CHCHD3: variants seen among roughly 807,000 people sequenced by gnomAD.
CHCHD3 encodes coiled-coil-helix-coiled-coil-helix domain containing 3, also known as MICOS complex subunit MIC19.
CHCHD3 carries 20 observed loss-of-function variants against 38.2 expected under a neutral mutation model. The observed-to-expected ratio is 0.52, with a 90% CI of 0.37 to 0.76. The LOEUF is 0.76. Among genes scored for constraint, CHCHD3 ranks in the 30% least tolerant of loss-of-function variants. The pLI is 0.00. For synonymous variants in CHCHD3, 82 were observed against 100.0 expected, an observed-to-expected ratio of 0.82 and a Z score of 1.07; for missense variants, 245 against 279.2, an observed-to-expected ratio of 0.88 and a Z score of 0.87.
chr7:133,041,595 T>C (rs1371500083), intron 2 of CHCHD3, among the ~76,000 whole-genome samples: 2 of 152,232 alleles, frequency 1.3e-5, no homozygotes. Flanking sequence ...CCATGTACCA[T>C]TCTGCATAAT....
intron 4 of CHCHD3, among the ~76,000 whole-genome samples, chr7:132,969,396 T>G (rs771407034): frequency 6.6e-6 from 1 of 152,130 alleles, no homozygotes; most frequent in Non-Finnish European, 1.5e-5. Flanking sequence ...CAAAAATACC[T>G]AATGATCTGA....
At chr7:132,912,668 C>T (rs985849384) in intron 4 of CHCHD3, among the ~76,000 whole-genome samples, 3 of 152,174 alleles carry the variant, frequency 2.0e-5, no homozygotes, top group Non-Finnish European at 4.4e-5. Context: ...GATTCTCCTG[C>T]CTCAGCCTCC....
At chr7:133,051,233 A>G (rs542307408) in intron 2 of CHCHD3, among the ~76,000 whole-genome samples, 1 of 152,308 alleles carries the variant, frequency 6.6e-6, no homozygotes, top group Non-Finnish European at 1.5e-5. Flanking sequence ...GCAACATTCA[A>G]GCAGCCACTT....
At chr7:132,882,651 CCAAT>C (rs1809096340) in intron 5 of CHCHD3, among the ~76,000 whole-genome samples, 3 of 151,898 alleles carry the variant, frequency 2.0e-5, no homozygotes, top group Non-Finnish European at 2.9e-5. Context: ...GACGTTTGTA[CCAAT>C]CAAATTGGTG....
chr7:133,046,025 A>G (rs1025316154), intron 2 of CHCHD3, among the ~76,000 whole-genome samples: 4 of 152,190 alleles, frequency 2.6e-5, no homozygotes, highest in Non-Finnish European at 5.9e-5. Context: ...AGTCTCAGGT[A>G]TTTCTTTATA....
At chr7:133,042,018 A>G (rs529927700) in intron 2 of CHCHD3, among the ~76,000 whole-genome samples, 3 of 152,338 alleles carry the variant, frequency 2.0e-5, no homozygotes, top group African/African-American at 7.2e-5. Context: ...GGTGCTGGCA[A>G]TGTTTTTGGC....
At chr7:133,064,819 T>A (rs1407894843) in intron 2 of CHCHD3, among the ~76,000 whole-genome samples, 1 of 152,208 alleles carries the variant, frequency 6.6e-6, no homozygotes, top group Admixed American at 6.5e-5. Context: ...TCCAGATTCA[T>A]CATTTTTATC....
Position 132,824,230 on chromosome 7 carries a change from A to G in CHCHD3, c.524+14169T>C, listed in dbSNP as rs192744567. Among the ~76,000 whole-genome samples, 8 of 152,250 alleles carry G rather than the reference A, an allele frequency of 5.3e-5. No homozygotes were observed. In the East Asian group the frequency reaches 1.5e-3, roughly 29 times the overall value. On this transcript the variant is annotated intron_variant, in intron 6 of 7. Coordinates refer to ENST00000262570, the MANE Select transcript of CHCHD3 (RefSeq NM_017812.4). ...TAGAAGACTTCCAGAAACAATGACC[A>G]ACTCAAAAGGCATAATCCTAGTGGT... is the stretch of plus-strand genomic sequence containing the variant.
At chr7:132,954,192 T>A (rs1811103176) in intron 4 of CHCHD3, among the ~76,000 whole-genome samples, 1 of 152,024 alleles carries the variant, frequency 6.6e-6, no homozygotes, top group South Asian at 2.1e-4. Flanking sequence ...CTTGCTCTGG[T>A]GTATATGGCA....
At chr7:132,866,983 T>C (rs1004916163) in intron 5 of CHCHD3, among the ~76,000 whole-genome samples, 1 of 152,172 alleles carries the variant, frequency 6.6e-6, no homozygotes, top group Non-Finnish European at 1.5e-5. Flanking sequence ...GGCCTCGCTA[T>C]CCAAAACAGC....
In CHCHD3 at chr7:133,082,058, G is replaced by A. The variant is rs1041947366; in HGVS notation, c.-121C>T. 10 of 904,270 alleles carry A rather than the reference G, an allele frequency of 1.1e-5. No homozygotes were observed. The highest frequency in any genetic ancestry group is 9.6e-5 in the Admixed American group (3 of 31,386). 56.0% of individuals were successfully genotyped at this position (904,270 alleles called of 1,614,324 possible). A position where few individuals can be genotyped will look rare whatever the true frequency, so the allele number is the denominator to read the frequency against. ...TCCCGCACAGCGGGAGCAAGGCCAC[G>A]ACCCCCAGAAGCAAGGAGAAGGCGC... On this transcript the variant is annotated 5_prime_UTR_variant, in exon 1 of 8. Coordinates refer to ENST00000262570, the MANE Select transcript of CHCHD3 (RefSeq NM_017812.4).
At chr7:132,932,712 T>C (rs562492070) in intron 4 of CHCHD3, among the ~76,000 whole-genome samples, 10 of 152,314 alleles carry the variant, frequency 6.6e-5, no homozygotes, top group Admixed American at 2.0e-4. Context: ...AAACCTTTTT[T>C]GCTAAATTTT....
intron 3 of CHCHD3, among the ~76,000 whole-genome samples, chr7:132,986,056 C>T (rs903390877): frequency 6.7e-6 from 1 of 150,294 alleles, no homozygotes. Context: ...TTGTTCTGTA[C>T]TAAGAAAAAT....
chr7:132,895,405 G>T (rs180811692), intron 4 of CHCHD3, among the ~76,000 whole-genome samples: 1 of 152,366 alleles, frequency 6.6e-6, no homozygotes. Flanking sequence ...CCCCTACTCT[G>T]AGTTGTGACA....
intron 4 of CHCHD3, among the ~76,000 whole-genome samples, chr7:132,900,939 C>T (rs1377159401): frequency 1.3e-5 from 2 of 152,010 alleles, no homozygotes; most frequent in African/African-American, 2.4e-5. Flanking sequence ...TGCAGTGAGC[C>T]GAGATAGCAC....
intron 3 of CHCHD3, among the ~76,000 whole-genome samples, chr7:132,992,476 C>G (rs986124342): frequency 8.5e-5 from 13 of 152,288 alleles, no homozygotes; most frequent in African/African-American, 3.1e-4. Flanking sequence ...ATTGCTCCCC[C>G]AGTGCTACAT....
In CHCHD3 at chr7:133,035,839, G is replaced by A; in HGVS notation, c.170-11212C>T. 1 of 1,613,178 alleles carries A rather than the reference G, an allele frequency of 6.2e-7. No individual in the cohort carries two copies. The highest frequency in any genetic ancestry group is 1.1e-5 in the South Asian group (1 of 91,066). Reference sequence around the variant, plus strand: ...GGTGGTGCGGAGAGCACGCGGATCTGAGCCCCGCTGTACTGAGCAGCGATG... The same window carrying A: ...GGTGGTGCGGAGAGCACGCGGATCTAAGCCCCGCTGTACTGAGCAGCGATG... On this transcript the variant is annotated intron_variant, in intron 2 of 7. Transcript: ENST00000262570. This position sits in a 1 kb window ranked among gnomAD's most constrained non-coding sequence, Gnocchi z 4.7.
chr7:133,060,967 C>T (rs149034012), intron 2 of CHCHD3, among the ~76,000 whole-genome samples: 20 of 152,176 alleles, frequency 1.3e-4, no homozygotes, highest in Non-Finnish European at 2.4e-4. Context: ...TACAATATGA[C>T]TAGACAAAGA....
intron 6 of CHCHD3, among the ~76,000 whole-genome samples, chr7:132,823,458 C>A (rs1254065463): frequency 6.6e-6 from 1 of 152,118 alleles, no homozygotes; most frequent in Non-Finnish European, 1.5e-5. Flanking sequence ...TGTAGTCTTT[C>A]AGTATCTTAT....
Sources: gnomAD v4.1 joint callset for allele counts (sites outside exome capture counted in the v4.1 genomes callset) on GRCh38, gnomAD v4.1.1 for gene constraint, Gnocchi (gnomAD v3.1) non-coding constraint, MANE v1.5 for transcripts, NCBI Gene and HGNC (gene_info 2026-07-23, HGNC 2026-07-21) for gene names.